The following ASTN2 variants were observed in gnomAD, a reference collection of about 807,000 sequenced individuals.
ASTN2 encodes the protein astrotactin 2.
ASTN2 carries 54 observed loss-of-function variants against 139.8 expected under a neutral mutation model. The observed-to-expected ratio is 0.39, with a 90% confidence interval of 0.31 to 0.48. The LOEUF is 0.48. Among genes scored for constraint, ASTN2 ranks in the 20% least tolerant of loss-of-function variants. The pLI is 0.95. For missense variants in ASTN2, 1,565 were observed against 1,725.1 expected, an observed-to-expected ratio of 0.91 and a Z score of 1.64; for synonymous variants, 756 against 719.5, an observed-to-expected ratio of 1.05 and a Z score of -0.81.
In ASTN2 at chr9:116,439,194, A is replaced by ATTTTTTT. The variant is rs1016270368; in HGVS notation, c.3782+1408_3782+1414dup. Among the ~76,000 whole-genome samples the ATTTTTTT allele has an allele frequency of 2.1e-4, 12 of 56,722 alleles. 1 individual carries two copies. The highest frequency in any genetic ancestry group is 3.0e-4 in the Admixed American group (1 of 3,370). The allele number at this position is 56,722 out of a possible 152,430, so 37.2% of individuals were successfully genotyped here. A position where few individuals can be genotyped will look rare whatever the true frequency, so the allele number is the denominator to read the frequency against. On this transcript the variant is annotated intron_variant, in intron 22 of 22. Coordinates refer to ENST00000313400, the MANE Select transcript of ASTN2 (RefSeq NM_001365068.1). ...GATGTTGTGTTTTCTATTCAAATAC[A>ATTTTTTT]TTTTTTTTTTTTTTTTTTTTTTTTG...
chr9:116,947,998 C>T (rs1835445872), intron 10 of ASTN2, among the ~76,000 whole-genome samples: 1 of 152,174 alleles, frequency 6.6e-6, no homozygotes, highest in South Asian at 2.1e-4. Context: ...AGCTTTTGAC[C>T]AGCAACCCTT....
chr9:117,368,933 G>A (rs1041492932), intron 1 of ASTN2, among the ~76,000 whole-genome samples: 3 of 152,132 alleles, frequency 2.0e-5, no homozygotes, highest in Admixed American at 2.0e-4. Context: ...GAATAGTTCT[G>A]CTTGAACTTA....
At chr9:116,929,647 A>G (rs922492382) in intron 10 of ASTN2, among the ~76,000 whole-genome samples, 3 of 151,942 alleles carry the variant, frequency 2.0e-5, no homozygotes, top group Admixed American at 6.6e-5. Flanking sequence ...CATCTAAACA[A>G]CCCTTTGCTG....
chr9:117,042,776 G>A (rs150696771), intron 5 of ASTN2, among the ~76,000 whole-genome samples: 19 of 152,168 alleles, frequency 1.2e-4, no homozygotes, highest in South Asian at 4.2e-4. Context: ...ACCTTAAAAC[G>A]TCAACCTATT....
At chr9:116,546,508 ATTGAG>A (rs1372540899) in intron 19 of ASTN2, 2 of 152,160 alleles carry the variant, frequency 1.3e-5, no homozygotes, top group Admixed American at 6.5e-5. Context: ...TGAGTAATGT[ATTGAG>A]TTAAGAGATA....
chr9:117,066,744 C>T (rs1212515224), intron 5 of ASTN2, among the ~76,000 whole-genome samples: 1 of 152,102 alleles, frequency 6.6e-6, no homozygotes, highest in Admixed American at 6.6e-5. Context: ...ATTTGCATTT[C>T]TCTGATAGCC....
intron 3 of ASTN2, among the ~76,000 whole-genome samples, chr9:117,208,023 A>G (rs952172315): frequency 4.6e-5 from 7 of 152,266 alleles, no homozygotes; most frequent in Admixed American, 3.9e-4. Flanking sequence ...TCCTTATGAA[A>G]CCTACTCAAT....
At chr9:116,820,560 C>A in intron 12 of ASTN2, 57 bp downstream of exon 12, 1 of 1,567,130 alleles carries the variant, frequency 6.4e-7, no homozygotes, top group Non-Finnish European at 8.7e-7. Context: ...GATCATTTTC[C>A]CATGCATCCC....
chr9:116,628,874 A>G (rs762753222), intron 17 of ASTN2, among the ~76,000 whole-genome samples: 64 of 152,202 alleles, frequency 4.2e-4, no homozygotes, highest in Middle Eastern at 3.4e-3. Context: ...AGAACATAAA[A>G]CTACTCTAGA....
chr9:116,506,165 G>A (rs563204878), intron 19 of ASTN2, among the ~76,000 whole-genome samples: 10 of 152,130 alleles, frequency 6.6e-5, no homozygotes, highest in Middle Eastern at 3.2e-3. Context: ...TATGTAGTAG[G>A]TGTTCAATAA....
chr9:116,530,240 A>G lies in ASTN2; in HGVS notation c.3356-42740T>C, dbSNP rs538758376. The stretch of plus-strand genomic sequence containing the variant: ...AGAGGACATTATGTTAAGTGAAATA[A>G]GCTAGGTACTGAAAGACAAATACCA... On this transcript the variant is annotated intron_variant, in intron 19 of 22. Transcript: ENST00000313400. 5.3e-5 allele frequency among the ~76,000 whole-genome samples: 8 copies of G among 149,710 alleles called. No individual in the cohort carries two copies. In the South Asian group the frequency reaches 1.7e-3, roughly 32 times the overall value.
chr9:116,629,112 CTTTTTTT>C (rs57200909), intron 17 of ASTN2, among the ~76,000 whole-genome samples: 2 of 100,510 alleles, frequency 2.0e-5, no homozygotes, highest in Non-Finnish European at 1.8e-5. Context: ...TCCAGTAACT[CTTTTTTT>C]TTTTTTTTTT....
intron 1 of ASTN2, among the ~76,000 whole-genome samples, chr9:117,413,628 G>A (rs1831236105): frequency 6.6e-6 from 1 of 152,228 alleles, no homozygotes; most frequent in Non-Finnish European, 1.5e-5. Flanking sequence ...CGGGATTCGC[G>A]CAGGGAACCA....
At chr9:116,468,836 C>T (rs1013129504) in intron 20 of ASTN2, among the ~76,000 whole-genome samples, 3 of 152,212 alleles carry the variant, frequency 2.0e-5, no homozygotes, top group African/African-American at 7.2e-5. Context: ...TGTTCCTTTG[C>T]ACCATAATAA....
chr9:116,537,929 T>G (rs1851714637), intron 19 of ASTN2, among the ~76,000 whole-genome samples: 1 of 152,190 alleles, frequency 6.6e-6, no homozygotes, highest in African/African-American at 2.4e-5. Flanking sequence ...ACAACAAACC[T>G]TCCAGGATAC....
At chr9:117,050,215 C>T (rs1448786117) in intron 5 of ASTN2, among the ~76,000 whole-genome samples, 1 of 152,046 alleles carries the variant, frequency 6.6e-6, no homozygotes, top group Non-Finnish European at 1.5e-5. Context: ...AAAAGAGCAG[C>T]CACAGTTTCC....
intron 19 of ASTN2, among the ~76,000 whole-genome samples, chr9:116,511,851 C>A (rs1436694007): frequency 6.6e-6 from 1 of 152,030 alleles, no homozygotes; most frequent in Non-Finnish European, 1.5e-5. Flanking sequence ...GTGGTGATAT[C>A]TCCTTTATCA....
chr9:117,117,233 A>T (rs1404592698), intron 4 of ASTN2, among the ~76,000 whole-genome samples: 3 of 152,136 alleles, frequency 2.0e-5, no homozygotes, highest in Non-Finnish European at 4.4e-5. Context: ...GTTTCTACAC[A>T]AACACCAAAC....
intron 10 of ASTN2, among the ~76,000 whole-genome samples, chr9:116,934,863 T>C (rs1835021521): frequency 6.6e-6 from 1 of 152,212 alleles, no homozygotes; most frequent in African/African-American, 2.4e-5. Context: ...TTGATGTTTA[T>C]ATACCCCCCT....
Sources: allele counts gnomAD v4.1 joint callset (sites outside exome capture counted in the v4.1 genomes callset), GRCh38; gene constraint gnomAD v4.1.1; transcripts MANE v1.5; gene names NCBI Gene and HGNC (gene_info 2026-07-23, HGNC 2026-07-21).